Variants in TBC1D5 observed in about 807,000 individuals in gnomAD.
The protein encoded by TBC1D5 is TBC1 domain family member 5, also known as TBC1 domain family, member 5.
In TBC1D5, 75 loss-of-function variants were observed where a neutral mutation model predicts 100.3. The ratio of observed to expected loss-of-function variants is 0.75; its 90% CI spans 0.62 to 0.91. The LOEUF (loss-of-function observed/expected upper bound fraction) is 0.91, where lower values mean the gene tolerates loss of function less well. Among genes scored for constraint, TBC1D5 ranks in the 40% least tolerant of loss-of-function variants. TBC1D5 has a pLI of 0.00. For synonymous variants in TBC1D5, 323 were observed against 325.6 expected (o/e 0.99, Z 0.09); for missense variants, 910 against 942.4 (o/e 0.97, Z 0.45).
At chr3:17,692,262 T>C (rs1488525534) in intron 1 of TBC1D5, among the ~76,000 whole-genome samples, 7 of 152,102 alleles carry the variant, frequency 4.6e-5, no homozygotes, top group Admixed American at 4.6e-4. Context: ...CAGCTAATTT[T>C]TGTATTTTTA....
intron 2 of TBC1D5, among the ~76,000 whole-genome samples, chr3:17,539,217 T>A (rs1024365003): frequency 6.6e-6 from 1 of 152,040 alleles, no homozygotes; most frequent in East Asian, 1.9e-4. Flanking sequence ...TGAAATTCCA[T>A]GTAAGGGAGT....
chr3:17,227,707 G>C (rs907125379), intron 17 of TBC1D5, among the ~76,000 whole-genome samples: 3 of 151,950 alleles, frequency 2.0e-5, no homozygotes, highest in Non-Finnish European at 4.4e-5. Flanking sequence ...GAATGTGGAG[G>C]GTGGGAGGAG....
chr3:17,411,851 T>C (rs528141024), intron 4 of TBC1D5, among the ~76,000 whole-genome samples: 2 of 152,284 alleles, frequency 1.3e-5, no homozygotes, highest in East Asian at 1.9e-4. Context: ...AAATTTACAA[T>C]CATTTAAATT....
At chr3:17,692,714 T>C (rs1420547412) in intron 1 of TBC1D5, among the ~76,000 whole-genome samples, 1 of 152,260 alleles carries the variant, frequency 6.6e-6, no homozygotes, top group African/African-American at 2.4e-5. Context: ...ATGCTTTCTC[T>C]GAATTTGTTT....
exon 22 of TBC1D5, chr3:17,161,070 G>T: frequency 6.2e-7 from 1 of 1,614,262 alleles, no homozygotes; most frequent in African/African-American, 1.3e-5. Context: ...CCCATCAGTG[G>T]ATCTGAGAAC....
chr3:17,330,652 AG>A (rs1309903986), intron 13 of TBC1D5, among the ~76,000 whole-genome samples: 4 of 152,086 alleles, frequency 2.6e-5, no homozygotes, highest in Admixed American at 6.5e-5. Flanking sequence ...TGAAAGTTGG[AG>A]ATGAGTTCCC....
chr3:17,597,986 G>T (rs895145886), intron 2 of TBC1D5, among the ~76,000 whole-genome samples: 1 of 143,742 alleles, frequency 7.0e-6, no homozygotes, highest in Non-Finnish European at 1.5e-5. Context: ...TAAGAAATAA[G>T]GTAGCCATTC....
chr3:17,319,700 C>T (rs2085149849), intron 13 of TBC1D5, among the ~76,000 whole-genome samples: 1 of 151,978 alleles, frequency 6.6e-6, no homozygotes, highest in African/African-American at 2.4e-5. Context: ...GAAACCCCGT[C>T]TCTACTAAAA....
intron 7 of TBC1D5, among the ~76,000 whole-genome samples, chr3:17,404,182 G>A (rs1230645878): frequency 6.6e-6 from 1 of 152,018 alleles, no homozygotes; most frequent in Non-Finnish European, 1.5e-5. Context: ...AAAAATTAGA[G>A]CACTCATACT....
chr3:17,310,526 T>C (rs2150612984), intron 13 of TBC1D5, among the ~76,000 whole-genome samples: 1 of 152,060 alleles, frequency 6.6e-6, no homozygotes, highest in Non-Finnish European at 1.5e-5. Context: ...ATCCAGAAAG[T>C]TCTTTGTAAA....
At chr3:17,440,222 G>C (rs1428304122) in intron 3 of TBC1D5, among the ~76,000 whole-genome samples, 3 of 152,266 alleles carry the variant, frequency 2.0e-5, no homozygotes, top group African/African-American at 7.2e-5. Context: ...ATAAGTCACA[G>C]ACCAAACAGG....
intron 2 of TBC1D5, among the ~76,000 whole-genome samples, chr3:17,566,828 T>C (rs1485105484): frequency 6.6e-6 from 1 of 151,832 alleles, no homozygotes. Flanking sequence ...TTAGTTGACA[T>C]TTACTTTTTG....
chr3:17,167,694 G>A (rs574680069), intron 20 of TBC1D5, 55 bp downstream of exon 21: 93 of 1,521,632 alleles, frequency 6.1e-5, no homozygotes, highest in African/African-American at 1.5e-4. Context: ...GCCCTGGGGG[G>A]CCCTCCCCGC....
chr3:17,725,535 G>C (rs553369149), intron 1 of TBC1D5, among the ~76,000 whole-genome samples: 1 of 152,054 alleles, frequency 6.6e-6, no homozygotes, highest in South Asian at 2.1e-4. Flanking sequence ...TTTCTTATTA[G>C]ACTCCCCACC....
At position 17,689,434 on chromosome 3, in the gene TBC1D5, G is replaced by A. The variant is rs1373206571; in HGVS notation, c.-101+49909C>T. ...TGTGCCTATGGCCCCAGCTAGCCAG[G>A]AGGCTGAAGCTGGAGGATCGCTTGA... On this transcript the variant is annotated intron_variant, in intron 1 of 21. Coordinates refer to ENST00000253692, the Ensembl canonical transcript of TBC1D5. Among the ~76,000 whole-genome samples, 10 of 151,488 alleles carry A rather than the reference G, an allele frequency of 6.6e-5. No individual in the cohort carries two copies. The South Asian group carries it at 2.1e-3, about 32-fold the overall frequency.
chr3:17,536,501 G>A (rs2096282925), intron 2 of TBC1D5, among the ~76,000 whole-genome samples: 1 of 152,076 alleles, frequency 6.6e-6, no homozygotes, highest in South Asian at 2.1e-4. Context: ...TTCTCATCAT[G>A]TAAAACCAAA....
intron 1 of TBC1D5, among the ~76,000 whole-genome samples, chr3:17,650,236 AC>A (rs2065413302): frequency 6.6e-6 from 1 of 152,118 alleles, no homozygotes; most frequent in Admixed American, 6.5e-5. Context: ...GCACATGTAT[AC>A]CTATGTAACA....
chr3:17,492,798 T>C (rs1314772632), intron 3 of TBC1D5, among the ~76,000 whole-genome samples: 1 of 152,228 alleles, frequency 6.6e-6, no homozygotes, highest in African/African-American at 2.4e-5. Flanking sequence ...TTGTCTCTTT[T>C]CTCATTAGTT....
chr3:17,499,282 C>T (rs958175984), intron 3 of TBC1D5, among the ~76,000 whole-genome samples: 1 of 152,118 alleles, frequency 6.6e-6, no homozygotes, highest in Non-Finnish European at 1.5e-5. Context: ...CATTTCACTA[C>T]CAAGCCATGA....
Sources: allele counts gnomAD v4.1 joint callset (sites outside exome capture counted in the v4.1 genomes callset), GRCh38; gene constraint gnomAD v4.1.1; transcripts MANE v1.5; gene names NCBI Gene and HGNC (gene_info 2026-07-23, HGNC 2026-07-21).